Variants in OXR1 observed in about 807,000 individuals in gnomAD.
OXR1 encodes oxidation resistance protein 1.
OXR1 carries 41 observed loss-of-function variants against 104.6 expected under a neutral mutation model. The observed-to-expected ratio is 0.39, with a 90% CI of 0.31 to 0.51. OXR1 has a LOEUF of 0.51. Among genes scored for constraint, OXR1 ranks in the 20% least tolerant of loss-of-function variants. The pLI is 0.77. For missense variants in OXR1, 955 were observed against 1,031.9 expected, an observed-to-expected ratio of 0.93 and a Z score of 1.02; for synonymous variants, 348 against 348.4, an observed-to-expected ratio of 1.00 and a Z score of 0.01.
At chr8:106,347,120 C>T (rs1815523511) in intron 1 of OXR1, among the ~76,000 whole-genome samples, 1 of 152,204 alleles carries the variant, frequency 6.6e-6, no homozygotes, top group African/African-American at 2.4e-5. Context: ...GGAGTGAAAG[C>T]CAAAGGCTTT....
intron 1 of OXR1, among the ~76,000 whole-genome samples, chr8:106,352,033 A>C (rs1441115820): frequency 6.6e-6 from 1 of 152,202 alleles, no homozygotes; most frequent in Non-Finnish European, 1.5e-5. Context: ...CTTATGTAGA[A>C]AATGACTGTG....
chr8:106,572,854 A>G (rs1290025691), intron 3 of OXR1, among the ~76,000 whole-genome samples: 3 of 152,140 alleles, frequency 2.0e-5, no homozygotes, highest in Non-Finnish European at 4.4e-5. Flanking sequence ...CCTTCTTATT[A>G]GTACAGAATC....
At chr8:106,566,040 A>G (rs1817046705) in intron 3 of OXR1, among the ~76,000 whole-genome samples, 1 of 152,222 alleles carries the variant, frequency 6.6e-6, no homozygotes, top group South Asian at 2.1e-4. Context: ...ATCCTAGGCA[A>G]TATCATTCAG....
intron 9 of OXR1, among the ~76,000 whole-genome samples, chr8:106,709,702 T>C (rs941183577): frequency 9.2e-5 from 14 of 152,138 alleles, no homozygotes; most frequent in African/African-American, 3.4e-4. Context: ...CCATTTGGTT[T>C]CTTCTTTTTT....
chr8:106,571,976 C>T (rs1400307186), intron 3 of OXR1, among the ~76,000 whole-genome samples: 2 of 152,166 alleles, frequency 1.3e-5, no homozygotes, highest in Non-Finnish European at 2.9e-5. Context: ...ATGGCAATGT[C>T]ACTCCCATGA....
At chr8:106,653,071 G>GAAAA (rs536723741) in intron 3 of OXR1, among the ~76,000 whole-genome samples, 2 of 129,916 alleles carry the variant, frequency 1.5e-5, no homozygotes, top group African/African-American at 5.5e-5. Context: ...AGGAGAAATA[G>GAAAA]AAAAAAAAAA....
chr8:106,634,790 C>G (rs1178379232), intron 3 of OXR1, among the ~76,000 whole-genome samples: 2 of 151,382 alleles, frequency 1.3e-5, no homozygotes, highest in South Asian at 2.1e-4. Flanking sequence ...ACATGCAAAT[C>G]TAGACCAGGA....
intron 3 of OXR1, among the ~76,000 whole-genome samples, chr8:106,594,308 T>C (rs1432563456): frequency 1.3e-5 from 2 of 152,220 alleles, no homozygotes; most frequent in East Asian, 3.9e-4. Flanking sequence ...AATGTTTCTA[T>C]GTAAGAGGAC....
chr8:106,526,352 G>T (rs1224330757), intron 3 of OXR1, among the ~76,000 whole-genome samples: 1 of 152,182 alleles, frequency 6.6e-6, no homozygotes, highest in Non-Finnish European at 1.5e-5. Context: ...GATATTTGCA[G>T]CATGAAGGAG....
chr8:106,466,943 C>T (rs967745732), intron 2 of OXR1, among the ~76,000 whole-genome samples: 3 of 151,894 alleles, frequency 2.0e-5, no homozygotes, highest in African/African-American at 7.2e-5. Context: ...TGATTACTTA[C>T]AACATACCTG....
At chr8:106,409,264 TG>T (rs1171891844) in intron 2 of OXR1, among the ~76,000 whole-genome samples, 1 of 152,072 alleles carries the variant, frequency 6.6e-6, no homozygotes, top group Non-Finnish European at 1.5e-5. Flanking sequence ...GTGGTGTTTG[TG>T]GGGCCAAAGG....
At chr8:106,393,428 T>C (rs1817658677) in intron 2 of OXR1, among the ~76,000 whole-genome samples, 1 of 152,172 alleles carries the variant, frequency 6.6e-6, no homozygotes, top group African/African-American at 2.4e-5. Flanking sequence ...TTATTCAAAC[T>C]GCTAATTTAC....
chr8:106,347,189 T>C (rs913604502), intron 1 of OXR1, among the ~76,000 whole-genome samples: 2 of 152,248 alleles, frequency 1.3e-5, no homozygotes, highest in African/African-American at 2.4e-5. Context: ...GAGAAGCCAA[T>C]TGATTTTTAT....
At chr8:106,718,438 A>C (rs1832476579) in intron 11 of OXR1, among the ~76,000 whole-genome samples, 1 of 152,232 alleles carries the variant, frequency 6.6e-6, no homozygotes, top group Non-Finnish European at 1.5e-5. Flanking sequence ...TCAGTTCCTA[A>C]GTATTTGGAT....
intron 11 of OXR1, among the ~76,000 whole-genome samples, chr8:106,728,080 A>C (rs1217267806): frequency 6.6e-6 from 1 of 152,110 alleles, no homozygotes; most frequent in Non-Finnish European, 1.5e-5. Flanking sequence ...GTTTTAAAGC[A>C]GAGATTCTAG....
At chr8:106,673,873 A>T (rs901824773) in intron 3 of OXR1, among the ~76,000 whole-genome samples, 1 of 152,186 alleles carries the variant, frequency 6.6e-6, no homozygotes, top group South Asian at 2.1e-4. Flanking sequence ...GGTGCCCAGA[A>T]CTCATGAATT....
At chr8:106,649,267 GT>G (rs200944491) in intron 3 of OXR1, among the ~76,000 whole-genome samples, 30 of 148,102 alleles carry the variant, frequency 2.0e-4, no homozygotes, top group South Asian at 8.6e-4. Flanking sequence ...ATTTGTGTGG[GT>G]TTTTTTTTTA....
chr8:106,486,457 C>T (rs572467211), intron 2 of OXR1, among the ~76,000 whole-genome samples: 2 of 152,164 alleles, frequency 1.3e-5, no homozygotes, highest in East Asian at 3.9e-4. Context: ...ATTAAGGAAT[C>T]TGATCTTGGT....
At chr8:106,279,701 T>C (rs1812198892) in intron 1 of OXR1, among the ~76,000 whole-genome samples, 1 of 152,226 alleles carries the variant, frequency 6.6e-6, no homozygotes, top group Middle Eastern at 3.2e-3. Context: ...CACTGGAACT[T>C]ACTAATAGTA....
Sources: gnomAD v4.1 joint callset for allele counts (sites outside exome capture counted in the v4.1 genomes callset) on GRCh38, gnomAD v4.1.1 for gene constraint, MANE v1.5 for transcripts, NCBI Gene and HGNC (gene_info 2026-07-23, HGNC 2026-07-21) for gene names.